SYT16: variants seen among roughly 807,000 people sequenced by gnomAD.
The protein encoded by SYT16 is synaptotagmin 16.
In SYT16, 42 loss-of-function variants were observed where a neutral mutation model predicts 61.4. The observed-to-expected ratio is 0.68, with a 90% CI of 0.53 to 0.89. The LOEUF (loss-of-function observed/expected upper bound fraction) is 0.89. Among genes scored for constraint, SYT16 ranks in the 40% least tolerant of loss-of-function variants. The pLI, the probability that SYT16 is intolerant of heterozygous loss-of-function variation, is 0.00. For missense variants in SYT16, 804 were observed against 807.3 expected, an observed-to-expected ratio of 1.00 and a Z score of 0.05; for synonymous variants, 314 against 302.3, an observed-to-expected ratio of 1.04 and a Z score of -0.40.
At chr14:61,997,520 A>G (rs1218650585) in intron 3 of SYT16, among the ~76,000 whole-genome samples, 1 of 152,102 alleles carries the variant, frequency 6.6e-6, no homozygotes, top group Non-Finnish European at 1.5e-5. Context: ...AAGTCTTGGC[A>G]TATAAAGAAA....
At chr14:61,985,434 A>G (rs2140578520) in intron 2 of SYT16, among the ~76,000 whole-genome samples, 1 of 152,280 alleles carries the variant, frequency 6.6e-6, no homozygotes, top group South Asian at 2.1e-4. Context: ...TTTGTGGTGG[A>G]ATGGTTTTCT....
chr14:61,816,607 A>C (rs2045434777), intron 1 of SYT16, among the ~76,000 whole-genome samples: 1 of 152,236 alleles, frequency 6.6e-6, no homozygotes, highest in Non-Finnish European at 1.5e-5. Context: ...TGTTATGTGA[A>C]AATTTTAAGA....
intron 1 of SYT16, among the ~76,000 whole-genome samples, chr14:61,824,510 G>A (rs1293401400): frequency 6.6e-6 from 1 of 151,918 alleles, no homozygotes; most frequent in Non-Finnish European, 1.5e-5. Context: ...CTGCCACCAC[G>A]CCTGGCTAAT....
chr14:61,874,556 C>T (rs1285066233), intron 1 of SYT16, among the ~76,000 whole-genome samples: 2 of 152,086 alleles, frequency 1.3e-5, no homozygotes, highest in African/African-American at 4.8e-5. Context: ...TGTCATCACA[C>T]GTTTGTGCCC....
intron 7 of SYT16, 99 bp downstream of exon 7, chr14:62,084,484 G>T: frequency 7.5e-7 from 1 of 1,335,214 alleles, no homozygotes; most frequent in Non-Finnish European, 1.0e-6. Context: ...CCATAAAAAT[G>T]ATCTTATTAT....
chr14:62,065,478 G>T lies in SYT16; in HGVS notation c.524-4125G>T, dbSNP rs549183678. Among the ~76,000 whole-genome samples, 7 of 152,156 alleles carry T rather than the reference G, an allele frequency of 4.6e-5. No individual in the cohort carries two copies. In the South Asian group the frequency reaches 1.5e-3, roughly 32 times the overall value. On this transcript the variant is annotated intron_variant, in intron 3 of 7. Transcript: ENST00000683842. ...TGTATATCAGGCAAGGAGAATTTTT[G>T]CTCTGTGGATGATCAATGGCTCACT... is the stretch of plus-strand genomic sequence containing the variant.
chr14:61,865,264 C>A, intron 1 of SYT16: 2 of 839,018 alleles, frequency 2.4e-6, no homozygotes, highest in East Asian at 2.5e-5. Flanking sequence ...TGGAGGTGAG[C>A]ATCTGTCTTT....
chr14:61,968,886 TG>T (rs1264615148), intron 1 of SYT16, among the ~76,000 whole-genome samples: 2 of 152,142 alleles, frequency 1.3e-5, no homozygotes, highest in African/African-American at 4.8e-5. Context: ...TGGTATGTGT[TG>T]GTTTTGATAG....
At chr14:61,941,203 G>A (rs2050195398) in intron 1 of SYT16, among the ~76,000 whole-genome samples, 2 of 152,158 alleles carry the variant, frequency 1.3e-5, no homozygotes, top group African/African-American at 2.4e-5. Flanking sequence ...CCCTGTGCCA[G>A]TGGCCTGCCT....
At chr14:62,041,938 T>C (rs1280455994) in intron 3 of SYT16, among the ~76,000 whole-genome samples, 1 of 152,198 alleles carries the variant, frequency 6.6e-6, no homozygotes, top group Non-Finnish European at 1.5e-5. Context: ...TCCCAGTCAG[T>C]ATATTTTACT....
intron 7 of SYT16, among the ~76,000 whole-genome samples, chr14:62,093,783 A>G (rs1285645390): frequency 3.3e-5 from 5 of 152,180 alleles, no homozygotes; most frequent in Non-Finnish European, 7.4e-5. Context: ...TGCACTCTTC[A>G]TTACTGACAA....
chr14:61,934,039 G>A (rs1461588786), intron 1 of SYT16, among the ~76,000 whole-genome samples: 1 of 151,930 alleles, frequency 6.6e-6, no homozygotes, highest in African/African-American at 2.4e-5. Flanking sequence ...ATACATTCAT[G>A]TATTACTATT....
intron 3 of SYT16, among the ~76,000 whole-genome samples, chr14:62,034,263 A>G (rs1161970588): frequency 1.3e-5 from 2 of 152,164 alleles, no homozygotes; most frequent in Non-Finnish European, 2.9e-5. Flanking sequence ...GGAATGTTAA[A>G]TTGTTTAGCC....
At chr14:61,985,535 G>A (rs910656329) in intron 2 of SYT16, among the ~76,000 whole-genome samples, 4 of 152,134 alleles carry the variant, frequency 2.6e-5, no homozygotes, top group Non-Finnish European at 5.9e-5. Flanking sequence ...GTAATTGTTG[G>A]TTGTAGGGTA....
intron 5 of SYT16, among the ~76,000 whole-genome samples, chr14:62,076,458 G>A (rs1400143738): frequency 1.3e-5 from 2 of 150,448 alleles, no homozygotes; most frequent in Admixed American, 6.6e-5. Flanking sequence ...AAAAAAAAAG[G>A]AATCACAGAA....
intron 1 of SYT16, among the ~76,000 whole-genome samples, chr14:61,861,870 C>T (rs1334085401): frequency 1.3e-5 from 2 of 152,034 alleles, no homozygotes; most frequent in Admixed American, 6.6e-5. Context: ...ATTAAGTATA[C>T]AATAGCATCA....
intron 1 of SYT16, among the ~76,000 whole-genome samples, chr14:61,862,399 T>G (rs985376452): frequency 1.1e-4 from 16 of 152,230 alleles, no homozygotes; most frequent in Admixed American, 8.5e-4. Context: ...CTTCTTTCAC[T>G]TAACATAATG....
At chr14:61,827,347 T>G (rs2045804614) in intron 1 of SYT16, among the ~76,000 whole-genome samples, 1 of 152,190 alleles carries the variant, frequency 6.6e-6, no homozygotes, top group South Asian at 2.1e-4. Context: ...TGTAGGTGCC[T>G]TGCAGAGTGA....
At chr14:62,076,560 GATGTC>G in intron 5 of SYT16, among the ~76,000 whole-genome samples, 2 of 152,234 alleles carry the variant, frequency 1.3e-5, no homozygotes, top group Middle Eastern at 3.4e-3. Flanking sequence ...CCCCTGTGTA[GATGTC>G]TCTGCTGAGG....
Sources: allele counts gnomAD v4.1 joint callset (sites outside exome capture counted in the v4.1 genomes callset), GRCh38; gene constraint gnomAD v4.1.1; transcripts MANE v1.5; gene names NCBI Gene and HGNC (gene_info 2026-07-23, HGNC 2026-07-21).